GAS7: variants seen among roughly 807,000 people sequenced by gnomAD.
GAS7 encodes growth arrest-specific protein 7.
GAS7 carries 28 observed loss-of-function variants against 71.1 expected under a neutral mutation model. The observed-to-expected ratio is 0.39, with a 90% CI of 0.29 to 0.54. The LOEUF is 0.54. Among genes scored for constraint, GAS7 ranks in the 20% least tolerant of loss-of-function variants. The pLI, the probability that GAS7 is intolerant of heterozygous loss-of-function variation, is 0.62. For missense variants in GAS7, 436 were observed against 627.8 expected, an observed-to-expected ratio of 0.69 and a Z score of 3.27; for synonymous variants, 258 against 245.8, an observed-to-expected ratio of 1.05 and a Z score of -0.46.
chr17:10,178,539 C>T (rs2074389863), intron 1 of GAS7, among the ~76,000 whole-genome samples: 1 of 151,956 alleles, frequency 6.6e-6, no homozygotes, highest in Admixed American at 6.6e-5. Flanking sequence ...AAACCATACA[C>T]GGAGCCTGTC....
At chr17:10,027,222 C>A (rs2072486278) in intron 1 of GAS7, 1 of 151,160 alleles carries the variant, frequency 6.6e-6, no homozygotes, top group Non-Finnish European at 1.5e-5. Context: ...GTGCCCAGAA[C>A]AATGAATGAA....
chr17:10,127,267 T>G (rs1436636830), intron 1 of GAS7, among the ~76,000 whole-genome samples: 1 of 152,160 alleles, frequency 6.6e-6, no homozygotes, highest in Non-Finnish European at 1.5e-5. Flanking sequence ...CCTCCTCAGA[T>G]GCAGCCTCAG....
intron 4 of GAS7, among the ~76,000 whole-genome samples, chr17:9,967,872 G>A (rs1475719337): frequency 2.0e-5 from 3 of 152,204 alleles, no homozygotes; most frequent in African/African-American, 7.2e-5. Context: ...AGACATCCCT[G>A]TGTCGATGGC....
chr17:10,126,450 G>GCC (rs1567602354), intron 1 of GAS7, among the ~76,000 whole-genome samples: 3 of 146,492 alleles, frequency 2.0e-5, no homozygotes, highest in Non-Finnish European at 4.5e-5. Context: ...ACACGCGCGC[G>GCC]CGCACACGCA....
intron 2 of GAS7, among the ~76,000 whole-genome samples, chr17:10,009,165 A>T (rs1459951919): frequency 6.6e-6 from 1 of 151,326 alleles, no homozygotes; most frequent in East Asian, 1.9e-4. Flanking sequence ...CTAAAAATAC[A>T]AAAAAATTAG....
At chr17:10,170,537 A>G (rs1214532981) in intron 1 of GAS7, among the ~76,000 whole-genome samples, 1 of 152,164 alleles carries the variant, frequency 6.6e-6, no homozygotes, top group East Asian at 1.9e-4. Context: ...AGGGCTTTGC[A>G]CAGATGCCCT....
rs1247977397 is a variant in GAS7 at position 9,978,164 on chromosome 17, T to A, written c.385+3640A>T. Among the ~76,000 whole-genome samples the A allele has an allele frequency of 2.0e-5, 3 of 152,086 alleles. No individual in the cohort carries two copies. In the East Asian group the frequency reaches 5.8e-4, roughly 29 times the overall value. ...AGGAGGTCAAGGCTGCAGTGAGCCA[T>A]GATCACACCACTGCACTCCAGCCTG... On this transcript the variant is annotated intron_variant, in intron 3 of 13. Coordinates refer to ENST00000432992, the MANE Select transcript of GAS7 (RefSeq NM_201433.2).
chr17:9,979,796 C>G lies in GAS7; in HGVS notation c.385+2008G>C, dbSNP rs1160265361. 4.6e-5 allele frequency among the ~76,000 whole-genome samples: 7 copies of G among 151,846 alleles called. No homozygotes were observed. In the South Asian group the frequency reaches 1.5e-3, roughly 31 times the overall value. The stretch of plus-strand genomic sequence containing the variant: ...GCTGGGTTACCTTTTTAGTGTCTGG[C>G]TGGCCTGGAGCCAGCCAGGAAAAAG... On this transcript the variant is annotated intron_variant, in intron 3 of 13. Coordinates refer to ENST00000432992, the MANE Select transcript of GAS7 (RefSeq NM_201433.2).
At chr17:10,012,015 T>C (rs1031780038) in intron 2 of GAS7, among the ~76,000 whole-genome samples, 7 of 150,686 alleles carry the variant, frequency 4.6e-5, no homozygotes, top group Non-Finnish European at 1.0e-4. Flanking sequence ...CAAATGGTAC[T>C]CTTTGTTTAA....
chr17:10,188,731 C>T (rs923880156), intron 1 of GAS7, among the ~76,000 whole-genome samples: 6 of 152,078 alleles, frequency 3.9e-5, no homozygotes, highest in African/African-American at 7.2e-5. Flanking sequence ...TTTGACCTCC[C>T]GGGTTCAAGC....
intron 1 of GAS7, among the ~76,000 whole-genome samples, chr17:10,160,399 G>A (rs2074243679): frequency 6.6e-6 from 1 of 152,068 alleles, no homozygotes; most frequent in Non-Finnish European, 1.5e-5. Flanking sequence ...ACAGTTACAG[G>A]ACCATATAGA....
At chr17:10,025,646 C>G (rs548363578) in intron 1 of GAS7, among the ~76,000 whole-genome samples, 1 of 152,026 alleles carries the variant, frequency 6.6e-6, no homozygotes, top group African/African-American at 2.4e-5. Flanking sequence ...AAACAAATCC[C>G]CCCACAGCAG....
intron 1 of GAS7, among the ~76,000 whole-genome samples, chr17:10,114,936 T>C (rs866619148): frequency 1.4e-4 from 22 of 152,332 alleles, no homozygotes; most frequent in South Asian, 1.0e-3. Flanking sequence ...GAGTCAGGGC[T>C]GCCTCCTCGC....
At chr17:10,183,608 C>G (rs62064618) in intron 1 of GAS7, among the ~76,000 whole-genome samples, 61,801 of 151,746 alleles carry the variant, frequency 0.41, 12,982 homozygotes, top group African/African-American at 0.52. Context: ...GGGAGGCCGA[C>G]ACGGGCGGAT....
intron 2 of GAS7, among the ~76,000 whole-genome samples, chr17:9,993,686 T>G (rs1242763455): frequency 1.3e-5 from 2 of 150,442 alleles, no homozygotes; most frequent in South Asian, 4.3e-4. Context: ...CCAGGGCAAT[T>G]AGGCAGGAGA....
intron 1 of GAS7, among the ~76,000 whole-genome samples, chr17:10,076,239 G>A (rs1171322494): frequency 1.5e-5 from 1 of 67,334 alleles, no homozygotes; most frequent in Non-Finnish European, 3.0e-5. Flanking sequence ...GAGGGAGAGG[G>A]AGAGGGACAG....
intron 1 of GAS7, among the ~76,000 whole-genome samples, chr17:10,039,233 A>G (rs2072815862): frequency 6.6e-6 from 1 of 151,496 alleles, no homozygotes; most frequent in South Asian, 2.1e-4. Context: ...TGATTAAAAA[A>G]AAAAAGCCCC....
chr17:10,119,493 A>G (rs2073888623), intron 1 of GAS7, among the ~76,000 whole-genome samples: 1 of 152,242 alleles, frequency 6.6e-6, no homozygotes, highest in South Asian at 2.1e-4. Context: ...CATGCCAATC[A>G]TGACGAAACA....
intron 2 of GAS7, among the ~76,000 whole-genome samples, chr17:10,008,583 G>A (rs2071628122): frequency 6.6e-6 from 1 of 152,140 alleles, no homozygotes; most frequent in Admixed American, 6.5e-5. Flanking sequence ...GAAAAATGAG[G>A]GGTGTGTTAT....
Sources: gnomAD v4.1 joint callset for allele counts (sites outside exome capture counted in the v4.1 genomes callset) on GRCh38, gnomAD v4.1.1 for gene constraint, MANE v1.5 for transcripts, NCBI Gene and HGNC (gene_info 2026-07-23, HGNC 2026-07-21) for gene names.